Variants in ESR1 observed in about 807,000 individuals in gnomAD.
ESR1 encodes estrogen receptor 1.
In ESR1, 12 loss-of-function variants were observed where a neutral mutation model predicts 52.7. The ratio of observed to expected loss-of-function variants is 0.23; its 90% CI spans 0.15 to 0.37. The LOEUF is 0.37. Among genes scored for constraint, ESR1 ranks in the 10% least tolerant of loss-of-function variants. The probability of loss-of-function intolerance (pLI) is 1.00; values close to 1 mark genes in which losing one functional copy is unlikely to be tolerated. For missense variants in ESR1, 584 were observed against 779.7 expected (o/e 0.75, Z 2.99); for synonymous variants, 305 against 316.8 (o/e 0.96, Z 0.39).
intron 5 of ESR1, among the ~76,000 whole-genome samples, chr6:152,052,177 G>A (rs6557195): frequency 0.22 from 33,377 of 151,944 alleles, 5,312 homozygotes; most frequent in African/African-American, 0.44. Flanking sequence ...CTCCTTAAAC[G>A]ACCTGCTCTC....
At chr6:151,807,559 C>A, upstream of ESR1, 1 of 430,004 alleles carries the variant, frequency 2.3e-6, no homozygotes, top group South Asian at 2.3e-5. Context: ...TCGAGTTGTG[C>A]CTGGAGTGAT....
At chr6:151,814,032 T>TCCAGTTCTGTCTTCCATCCTTCGGTC in intron 1 of ESR1, 1 of 152,132 alleles carries the variant, frequency 6.6e-6, no homozygotes, top group Non-Finnish European at 1.5e-5. Context: ...GCTCCTTGGT[T>TCCAGTTCTGTCTTCCATCCTTCGGTC]CCAGTTCTGT....
At chr6:152,058,231 C>T (rs1344943930) in intron 5 of ESR1, among the ~76,000 whole-genome samples, 1 of 152,058 alleles carries the variant, frequency 6.6e-6, no homozygotes, top group African/African-American at 2.4e-5. Context: ...AATTCAACTC[C>T]ATGACAAGAA....
intron 5 of ESR1, among the ~76,000 whole-genome samples, chr6:152,018,376 T>C (rs1324537445): frequency 1.3e-5 from 2 of 150,960 alleles, no homozygotes; most frequent in South Asian, 2.1e-4. Context: ...TTTTTCCCCA[T>C]GTAAAACTTC....
chr6:152,027,902 G>C (rs1038272378), intron 5 of ESR1, among the ~76,000 whole-genome samples: 4 of 152,074 alleles, frequency 2.6e-5, no homozygotes. Context: ...CCAGCACTTT[G>C]GGAGGCCGAG....
chr6:151,948,709 G>T (rs1423183479), intron 4 of ESR1, among the ~76,000 whole-genome samples: 1 of 151,988 alleles, frequency 6.6e-6, no homozygotes, highest in East Asian at 1.9e-4. Flanking sequence ...CTCAGTTTTG[G>T]CCCCAGGGGT....
At chr6:151,680,722 C>T (rs1245150033) in intron 1 of ESR1, among the ~76,000 whole-genome samples, 3 of 152,134 alleles carry the variant, frequency 2.0e-5, no homozygotes, top group Non-Finnish European at 4.4e-5. Context: ...TGGCCTCCTC[C>T]CTTGTTCCAC....
chr6:151,725,555 G>A (rs1376117942), intron 2 of ESR1, among the ~76,000 whole-genome samples: 1 of 152,132 alleles, frequency 6.6e-6, no homozygotes, highest in Non-Finnish European at 1.5e-5. Flanking sequence ...TTGTCATCCT[G>A]TTCTAATTAA....
chr6:151,870,055 C>T (rs773437410), intron 2 of ESR1, among the ~76,000 whole-genome samples: 7 of 152,180 alleles, frequency 4.6e-5, no homozygotes, highest in Non-Finnish European at 4.4e-5. Context: ...TTTTCTTTGG[C>T]TCATTGCATT....
At chr6:151,990,716 G>A (rs925694073) in intron 4 of ESR1, among the ~76,000 whole-genome samples, 9 of 152,186 alleles carry the variant, frequency 5.9e-5, no homozygotes, top group Admixed American at 4.6e-4. Flanking sequence ...CTGATGGACA[G>A]TGAGAACCAT....
intron 2 of ESR1, among the ~76,000 whole-genome samples, chr6:151,782,195 C>A (rs1297087599): frequency 3.3e-5 from 5 of 151,882 alleles, no homozygotes; most frequent in African/African-American, 1.2e-4. Flanking sequence ...ATTCTCCATC[C>A]TTGTTTGGGA....
chr6:151,828,941 T>G (rs1781944390), intron 1 of ESR1, among the ~76,000 whole-genome samples: 1 of 152,206 alleles, frequency 6.6e-6, no homozygotes, highest in African/African-American at 2.4e-5. Context: ...CCTCACTTAC[T>G]GTAGGGTGGA....
At chr6:151,800,400 A>G (rs1777118806), upstream of ESR1, among the ~76,000 whole-genome samples, 1 of 152,100 alleles carries the variant, frequency 6.6e-6, no homozygotes, top group African/African-American at 2.4e-5. Flanking sequence ...TTATTTTGGG[A>G]TGCCTGCTGT....
intron 2 of ESR1, among the ~76,000 whole-genome samples, chr6:151,780,845 T>A (rs1300007794): frequency 6.6e-6 from 1 of 152,250 alleles, no homozygotes; most frequent in Non-Finnish European, 1.5e-5. Context: ...TTTGTCACTC[T>A]GTCCATATAA....
intron 4 of ESR1, among the ~76,000 whole-genome samples, chr6:151,969,921 T>C (rs895152906): frequency 2.2e-4 from 33 of 152,126 alleles, no homozygotes; most frequent in African/African-American, 8.0e-4. Flanking sequence ...CAAATTTTTT[T>C]TTTTAATTTT....
At chr6:152,040,273 G>A (rs976912269) in intron 5 of ESR1, among the ~76,000 whole-genome samples, 6 of 152,132 alleles carry the variant, frequency 3.9e-5, no homozygotes, top group Non-Finnish European at 8.8e-5. Context: ...TGCCACCACA[G>A]CCACTTTGTT....
In ESR1 at chr6:152,099,043, C is replaced by T. The variant is rs1351357930; in HGVS notation, c.*77C>T. 9.3e-6 allele frequency: 11 copies of T among 1,180,034 alleles called. No individual in the cohort carries two copies. The highest frequency in any genetic ancestry group is 1.4e-5 in the Non-Finnish European group (11 of 803,704). The allele number at this position is 1,180,034 out of a possible 1,614,324, so 73.1% of individuals were successfully genotyped here. On this transcript the variant is annotated 3_prime_UTR_variant, in exon 8 of 8. Coordinates refer to ENST00000206249, the MANE Select transcript of ESR1 (RefSeq NM_000125.4). ...CATCATGCACCACTTTAGCCAAATT[C>T]TGTCTCCTGCATACACTCCGGCATG...
chr6:151,681,161 G>A (rs76766108), intron 1 of ESR1, among the ~76,000 whole-genome samples: 2,268 of 152,252 alleles, frequency 0.015, 27 homozygotes, highest in Non-Finnish European at 0.022. Context: ...TCCCCAGCTC[G>A]TCTTCTGAAA....
At chr6:152,014,725 G>A (rs1383789314) in intron 5 of ESR1, among the ~76,000 whole-genome samples, 1 of 152,044 alleles carries the variant, frequency 6.6e-6, no homozygotes, top group Non-Finnish European at 1.5e-5. Flanking sequence ...TGTCTCTGCT[G>A]CAGATTCCTT....
Sources: gnomAD v4.1 joint callset for allele counts (sites outside exome capture counted in the v4.1 genomes callset) on GRCh38, gnomAD v4.1.1 for gene constraint, MANE v1.5 for transcripts, NCBI Gene and HGNC (gene_info 2026-07-23, HGNC 2026-07-21) for gene names.